Variants in URGCP observed in about 807,000 individuals in gnomAD.
The protein encoded by URGCP is up-regulator of cell proliferation.
In URGCP, 13 loss-of-function variants were observed where a neutral mutation model predicts 24.6. The ratio of observed to expected loss-of-function variants is 0.53; its 90% CI spans 0.34 to 0.84. The LOEUF is 0.84. Among genes scored for constraint, URGCP ranks in the 40% least tolerant of loss-of-function variants. The probability of loss-of-function intolerance (pLI) is 0.01; values close to 1 mark genes in which losing one functional copy is unlikely to be tolerated. For missense variants in URGCP, 899 were observed against 1,194.3 expected, an observed-to-expected ratio of 0.75 and a Z score of 3.64; for synonymous variants, 444 against 487.2, an observed-to-expected ratio of 0.91 and a Z score of 1.17.
In URGCP at chr7:43,877,733, A is replaced by G; in HGVS notation, c.1730T>C (p.Val577Ala). 1 of 1,609,344 alleles carries G rather than the reference A, an allele frequency of 6.2e-7. No homozygotes were observed. Among genetic ancestry groups the G allele is most frequent in the Non-Finnish European group, 8.5e-7 (1 of 1,178,058 alleles). ...LRWMEWGLAR[V>A]AQPRLRQPPE... Reference sequence around the variant, plus strand: ...AGGCTGTCTCAGTCGCGGCTGGGCCACCCGTGCCAGGCCCCACTCCATCCA... The same window carrying G: ...AGGCTGTCTCAGTCGCGGCTGGGCCGCCCGTGCCAGGCCCCACTCCATCCA... The change falls in exon 6 of 6, where the codon GTG becomes GCG. Residue 577 changes from valine to alanine, a missense_variant. Coordinates refer to ENST00000453200, the MANE Select transcript of URGCP (RefSeq NM_001077663.3).
At chr7:43,910,724 T>G (rs1232902283), upstream of URGCP, 2 of 151,982 alleles carry the variant, frequency 1.3e-5, no homozygotes, top group East Asian at 1.9e-4. Context: ...GGTGTGGTAA[T>G]GCATACCTGT....
At position 43,876,612 on chromosome 7, in the gene URGCP, C is replaced by T; in HGVS notation, c.*55G>A. ...GCACAGCCCCACACGGGTGCCCCATCAGACAGGGCTGCCCACAGCAGCCTC... is the reference window on the plus strand; with the variant it reads ...GCACAGCCCCACACGGGTGCCCCATTAGACAGGGCTGCCCACAGCAGCCTC... On this transcript the variant is annotated 3_prime_UTR_variant, in exon 6 of 6. Coordinates refer to ENST00000453200, the MANE Select transcript of URGCP (RefSeq NM_001077663.3). 1 of 1,566,156 alleles carries T rather than the reference C, an allele frequency of 6.4e-7. No homozygotes were observed. The highest frequency in any genetic ancestry group is 1.2e-5 in the South Asian group (1 of 83,076).
At chr7:43,901,970 G>A (rs1232850212) in intron 1 of URGCP, among the ~76,000 whole-genome samples, 1 of 152,156 alleles carries the variant, frequency 6.6e-6, no homozygotes. Flanking sequence ...GGAGCAGCCA[G>A]GAGGGTGGAT....
chr7:43,879,354 A>G (rs1422922945), intron 5 of URGCP, 94 bp from the exon 6 acceptor site: 2 of 1,422,300 alleles, frequency 1.4e-6, no homozygotes, highest in African/African-American at 1.4e-5. Context: ...CAGGATGGGG[A>G]GAGTGACGAC....
intron 3 of URGCP, among the ~76,000 whole-genome samples, chr7:43,883,804 G>T (rs1186019314): frequency 2.6e-5 from 4 of 152,130 alleles, no homozygotes; most frequent in African/African-American, 7.2e-5. Context: ...AGATGGACAT[G>T]TGAAAAGCAG....
chr7:43,913,470 G>A (rs898634623), intron 1 of URGCP, among the ~76,000 whole-genome samples: 2 of 151,706 alleles, frequency 1.3e-5, no homozygotes, highest in Admixed American at 6.6e-5. Flanking sequence ...TGCCTGCCTC[G>A]GCCTCCCAAA....
At chr7:43,910,479 T>C (rs1260714126), upstream of URGCP, among the ~76,000 whole-genome samples, 1 of 141,732 alleles carries the variant, frequency 7.1e-6, no homozygotes, top group Non-Finnish European at 1.5e-5. Context: ...ATAACCTGCC[T>C]CAGCCTCCCA....
chr7:43,906,028 C>G (rs1382349728), intron 1 of URGCP: 1 of 152,228 alleles, frequency 6.6e-6, no homozygotes. Flanking sequence ...GAGCGGCTCT[C>G]CGGCTGTCAG....
rs183698309 is a variant in URGCP, at chr7:43,890,070, A to G, written c.15-2254T>C. Among the ~76,000 whole-genome samples the G allele has an allele frequency of 1.3e-4, 20 of 151,482 alleles. No individual in the cohort carries two copies. The East Asian group carries it at 3.5e-3, about 26-fold the overall frequency. On this transcript the variant is annotated intron_variant, in intron 1 of 5. Transcript: ENST00000453200. ...CAGGCATGCGCCACCACGCCTGGCT[A>G]ATTTTTGTATTTTTAATAGAGACAG...
rs192964929 is a variant in URGCP, at chr7:43,915,763, C to T, written c.-116+10369G>A. Among the ~76,000 whole-genome samples the T allele has an allele frequency of 9.8e-5, 15 of 152,366 alleles. No homozygotes were observed. In the East Asian group the frequency reaches 2.7e-3, roughly 27 times the overall value. ...ATGGCTCATGCCTGTAATCCCAGCA[C>T]TTTGGGAGGCTGAGGCGGGCAGATC... On this transcript the variant is annotated intron_variant, in intron 1 of 5. Transcript: ENST00000426198.
At chr7:43,914,936 A>T (rs75153408) in intron 1 of URGCP, among the ~76,000 whole-genome samples, 4,614 of 152,278 alleles carry the variant, frequency 0.03, 258 homozygotes, top group African/African-American at 0.11. Context: ...CTTAACACAA[A>T]TGCAGTAAGG....
intron 5 of URGCP, among the ~76,000 whole-genome samples, 182 bp downstream of exon 5, chr7:43,881,477 T>G (rs1196391628): frequency 1.3e-5 from 2 of 148,558 alleles, no homozygotes; most frequent in Non-Finnish European, 3.0e-5. Flanking sequence ...TCCCAGGGTT[T>G]TTTTTTTTTT....
intron 5 of URGCP, chr7:43,879,786 T>C (rs576836386): frequency 1.3e-5 from 2 of 152,534 alleles, no homozygotes; most frequent in Non-Finnish European, 2.9e-5. Flanking sequence ...TTTTTTTCTC[T>C]CTAGAAATAA....
At chr7:43,914,831 ATAC>A in intron 1 of URGCP, among the ~76,000 whole-genome samples, 1 of 152,248 alleles carries the variant, frequency 6.6e-6, no homozygotes, top group East Asian at 1.9e-4. Context: ...CTCTTTACTG[ATAC>A]TACTGATAGA....
Position 43,876,527 on chromosome 7 carries a change from A to G in URGCP, c.*140T>C. On this transcript the variant is annotated 3_prime_UTR_variant, in exon 6 of 6. Transcript: ENST00000453200. The stretch of plus-strand genomic sequence containing the variant: ...TTTAACACTGTTGAGGAGACTCCAA[A>G]CCCTGTCTTTTCCTCGTCTTCTCAT... 1.4e-6 allele frequency: 1 copy of G among 732,632 alleles called. No homozygotes were observed. Among genetic ancestry groups the G allele is most frequent in the Non-Finnish European group, 2.0e-6 (1 of 498,394 alleles). The allele number at this position is 732,632 out of a possible 1,614,324, so 45.4% of individuals were successfully genotyped here.
intron 3 of URGCP, 56 bp downstream of exon 3, chr7:43,887,359 A>G: frequency 1.2e-6 from 2 of 1,602,580 alleles, no homozygotes; most frequent in Non-Finnish European, 1.7e-6. Context: ...TCCCAAGGGG[A>G]CAGGAGAAGT....
intron 1 of URGCP, among the ~76,000 whole-genome samples, chr7:43,921,312 C>T (rs1032384831): frequency 2.7e-5 from 4 of 147,434 alleles, no homozygotes; most frequent in Non-Finnish European, 4.5e-5. Context: ...GGCGAAATAG[C>T]GAGACTCCGT....
chr7:43,876,402 C>T lies in URGCP; in HGVS notation c.*265G>A, dbSNP rs2095844348. 1 of 481,990 alleles carries T rather than the reference C, an allele frequency of 2.1e-6. No homozygotes were observed. Among genetic ancestry groups the T allele is most frequent in the East Asian group, 3.7e-5 (1 of 26,724 alleles). 29.9% of individuals were successfully genotyped at this position (481,990 alleles called of 1,614,324 possible). On this transcript the variant is annotated 3_prime_UTR_variant, in exon 6 of 6. Coordinates refer to ENST00000453200, the MANE Select transcript of URGCP (RefSeq NM_001077663.3). ...AGGGCCCACCCCGCAGGATCCTTGA[C>T]AGGAGCTGAGACAGAACAAACTGCT...
At chr7:43,887,934 C>A in intron 1 of URGCP, 118 bp from the exon 2 acceptor site, 1 of 651,502 alleles carries the variant, frequency 1.5e-6, no homozygotes, top group South Asian at 2.2e-5. Context: ...TCAAATTCTG[C>A]AGCCATTAAA....
Sources: allele counts gnomAD v4.1 joint callset (sites outside exome capture counted in the v4.1 genomes callset), GRCh38; gene constraint gnomAD v4.1.1; transcripts MANE v1.5; gene names NCBI Gene and HGNC (gene_info 2026-07-23, HGNC 2026-07-21).